The following EVI5 variants were observed in gnomAD, a reference collection of about 807,000 sequenced individuals.
EVI5 encodes ecotropic viral integration site 5.
In EVI5, 73 loss-of-function variants were observed where a neutral mutation model predicts 112.0. The observed-to-expected ratio is 0.65, with a 90% CI of 0.54 to 0.79. The LOEUF is 0.79. Among genes scored for constraint, EVI5 ranks in the 30% least tolerant of loss-of-function variants. The pLI, the probability that EVI5 is intolerant of heterozygous loss-of-function variation, is 0.00. For synonymous variants in EVI5, 305 were observed against 319.9 expected (o/e 0.95, Z 0.50); for missense variants, 900 against 968.8 (o/e 0.93, Z 0.94).
chr1:92,552,645 A>T (rs1345876220), intron 19 of EVI5, among the ~76,000 whole-genome samples: 2 of 152,210 alleles, frequency 1.3e-5, no homozygotes, highest in Non-Finnish European at 2.9e-5. Context: ...TCCTCTGAGT[A>T]TCAGATTCAA....
intron 1 of EVI5, chr1:92,756,559 GATA>G (rs1268220364): frequency 1.9e-6 from 1 of 516,938 alleles, no homozygotes; most frequent in Non-Finnish European, 4.0e-6. Flanking sequence ...GACTGCTCAT[GATA>G]ATGATGTGAA....
chr1:92,740,934 T>C lies in EVI5; in HGVS notation c.-81-4307A>G, dbSNP rs114029373. The stretch of plus-strand genomic sequence containing the variant: ...TTTTAGGGACTCTGATATGAAATTT[T>C]GACCAGCCTTCTGCGCTACCTAAAC... On this transcript the variant is annotated intron_variant, in intron 1 of 19. Transcript: ENST00000684568. 5.6e-3 allele frequency among the ~76,000 whole-genome samples: 856 copies of C among 152,262 alleles called. 15 individuals are homozygous for C. Among genetic ancestry groups the C allele is most frequent in the Middle Eastern group, 0.024 (7 of 294 alleles).
At chr1:92,669,257 G>C (rs1665433133) in intron 10 of EVI5, among the ~76,000 whole-genome samples, 1 of 151,876 alleles carries the variant, frequency 6.6e-6, no homozygotes, top group South Asian at 2.1e-4. Flanking sequence ...AAATTTCACT[G>C]AATTTGAGGG....
chr1:92,786,570 C>T (rs1178108891), upstream of EVI5, among the ~76,000 whole-genome samples: 1 of 152,156 alleles, frequency 6.6e-6, no homozygotes, highest in Admixed American at 6.6e-5. Context: ...CATCACCACC[C>T]TAGTCTAGGC....
At chr1:92,683,744 A>G (rs1252143490) in intron 9 of EVI5, among the ~76,000 whole-genome samples, 3 of 152,228 alleles carry the variant, frequency 2.0e-5, no homozygotes, top group Non-Finnish European at 4.4e-5. Context: ...ACCATGGCAC[A>G]AGAACTTCGT....
chr1:92,733,409 T>TC (rs1428459956), intron 2 of EVI5, among the ~76,000 whole-genome samples: 1 of 150,968 alleles, frequency 6.6e-6, no homozygotes, highest in Non-Finnish European at 1.5e-5. Context: ...TTATCATCTT[T>TC]TTTTTTTTTT....
chr1:92,744,747 TA>T (rs1045894543), intron 1 of EVI5, among the ~76,000 whole-genome samples: 3 of 152,114 alleles, frequency 2.0e-5, no homozygotes, highest in Non-Finnish European at 2.9e-5. Flanking sequence ...ACTTTGCATT[TA>T]AAAGGATGTT....
intron 19 of EVI5, among the ~76,000 whole-genome samples, chr1:92,553,574 T>C (rs906506281): frequency 6.6e-6 from 1 of 152,228 alleles, no homozygotes; most frequent in Admixed American, 6.5e-5. Flanking sequence ...GTGCTGGGAT[T>C]ACAGGCGTGA....
intron 16 of EVI5, among the ~76,000 whole-genome samples, chr1:92,615,086 A>G (rs1164022430): frequency 6.6e-6 from 1 of 151,954 alleles, no homozygotes; most frequent in Non-Finnish European, 1.5e-5. Context: ...AACAGTATGG[A>G]GCACACTGAT....
upstream of EVI5, among the ~76,000 whole-genome samples, chr1:92,785,737 A>G (rs988522186): frequency 6.6e-6 from 1 of 152,212 alleles, no homozygotes; most frequent in Non-Finnish European, 1.5e-5. Flanking sequence ...GTCCAGGAAA[A>G]GCAGGCAAGA....
At chr1:92,555,606 T>C (rs984106517) in intron 19 of EVI5, among the ~76,000 whole-genome samples, 17 of 152,186 alleles carry the variant, frequency 1.1e-4, no homozygotes, top group African/African-American at 3.6e-4. Flanking sequence ...TCCTAGCACT[T>C]TGGGAGGCCG....
chr1:92,631,610 A>T (rs1021440858), intron 14 of EVI5, among the ~76,000 whole-genome samples: 1 of 152,206 alleles, frequency 6.6e-6, no homozygotes, highest in African/African-American at 2.4e-5. Context: ...TAGATATACC[A>T]TCATGTCATC....
intron 18 of EVI5, among the ~76,000 whole-genome samples, chr1:92,602,228 T>C (rs888420914): frequency 1.3e-5 from 2 of 152,164 alleles, no homozygotes; most frequent in African/African-American, 4.8e-5. Flanking sequence ...GGAAGAAAAT[T>C]CTAGATGTTA....
At chr1:92,525,164 AG>A (rs1416102438) in intron 19 of EVI5, among the ~76,000 whole-genome samples, 1 of 151,608 alleles carries the variant, frequency 6.6e-6, no homozygotes, top group Non-Finnish European at 1.5e-5. Flanking sequence ...CAACAGCCAT[AG>A]GAGAGACACA....
intron 1 of EVI5, among the ~76,000 whole-genome samples, chr1:92,774,347 T>G (rs766509395): frequency 5.3e-5 from 8 of 152,194 alleles, no homozygotes; most frequent in Non-Finnish European, 1.2e-4. Flanking sequence ...AGCTACACTT[T>G]TATACAGTAT....
intron 13 of EVI5, among the ~76,000 whole-genome samples, chr1:92,661,565 G>A (rs1664016625): frequency 6.6e-6 from 1 of 151,708 alleles, no homozygotes; most frequent in South Asian, 2.1e-4. Flanking sequence ...ATCCACAATT[G>A]TTTTTTTCTT....
At chr1:92,730,412 A>ACAGT (rs2102764020) in intron 2 of EVI5, among the ~76,000 whole-genome samples, 1 of 152,220 alleles carries the variant, frequency 6.6e-6, no homozygotes, top group Non-Finnish European at 1.5e-5. Context: ...GCGGCTGGTC[A>ACAGT]CAGTGGTTCA....
chr1:92,622,968 G>T (rs1654908479), intron 16 of EVI5, among the ~76,000 whole-genome samples: 1 of 152,120 alleles, frequency 6.6e-6, no homozygotes, highest in Non-Finnish European at 1.5e-5. Context: ...GTCCTTTAAT[G>T]GCTGAGACAG....
At chr1:92,710,746 T>C (rs1294110482) in intron 2 of EVI5, among the ~76,000 whole-genome samples, 2 of 35,664 alleles carry the variant, frequency 5.6e-5, no homozygotes, top group Admixed American at 2.8e-4. Flanking sequence ...AATAGTGAGA[T>C]TGGGGTTGGG....
Sources: allele counts gnomAD v4.1 joint callset (sites outside exome capture counted in the v4.1 genomes callset), GRCh38; gene constraint gnomAD v4.1.1; transcripts MANE v1.5; gene names NCBI Gene and HGNC (gene_info 2026-07-23, HGNC 2026-07-21).